The following RBM3 variants were observed in gnomAD, a reference collection of about 807,000 sequenced individuals.
The protein encoded by RBM3 is RNA binding motif protein 3.
In RBM3, 3 loss-of-function variants were observed where a neutral mutation model predicts 12.0. The observed-to-expected ratio is 0.25, with a 90% CI of 0.11 to 0.65. RBM3 has a LOEUF of 0.65. Ranked by LOEUF, RBM3 falls within the 30% of genes least tolerant of loss-of-function variation. RBM3 has a pLI of 0.84. For synonymous variants in RBM3, 58 were observed against 45.7 expected (o/e 1.27, Z -1.08); for missense variants, 108 against 134.5 (o/e 0.80, Z 0.97).
At chrX:48,577,400 G>A (rs923737492) in intron 6 of RBM3, 65 bp from the exon 7 acceptor site, 1 of 861,171 alleles carries the variant, frequency 1.2e-6, no homozygotes, top group African/African-American at 2.0e-5. Flanking sequence ...TCAGCTCTAG[G>A]AGGTGAGCAT....
chrX:48,577,605 G>C lies in RBM3; in HGVS notation c.*164G>C. 1 of 495,255 alleles carries C rather than the reference G, an allele frequency of 2.0e-6. No individual in the cohort carries two copies. 40.8% of individuals were successfully genotyped at this position (495,255 alleles called of 1,213,427 possible). A position where few individuals can be genotyped will look rare whatever the true frequency, so the allele number is the denominator to read the frequency against. ...AAATTGACCTGCCAAGGTAGCTGAAGACCTTTTAGACAGTTCCATCTTTTT... is the reference window on the plus strand; with the variant it reads ...AAATTGACCTGCCAAGGTAGCTGAACACCTTTTAGACAGTTCCATCTTTTT... On this transcript the variant is annotated 3_prime_UTR_variant, in exon 7 of 7. Coordinates refer to ENST00000376759, the MANE Select transcript of RBM3 (RefSeq NM_006743.5).
chrX:48,577,682 C>A lies in RBM3; in HGVS notation c.*241C>A. On this transcript the variant is annotated 3_prime_UTR_variant, in exon 7 of 7. Transcript: ENST00000376759. ...GACAAATTATGGGACGTTTGTAGAA[C>A]CTGAGTATTTTTCTTTTTACCAGTT... is the stretch of plus-strand genomic sequence containing the variant. 1 of 208,525 alleles carries A rather than the reference C, an allele frequency of 4.8e-6. No individual in the cohort carries two copies. Among genetic ancestry groups the A allele is most frequent in the Non-Finnish European group, 8.4e-6 (1 of 118,497 alleles). The allele number at this position is 208,525 out of a possible 1,213,427, so 17.2% of individuals were successfully genotyped here.
chrX:48,574,846 C>T (rs1556988841), intron 1 of RBM3: 2 of 360,312 alleles, frequency 5.6e-6, no homozygotes, highest in East Asian at 7.9e-5. Context: ...CCTTATCCCA[C>T]GTGGCCGCCG....
In RBM3 at chrX:48,581,077, G is replaced by C. The variant is rs1286611834; in HGVS notation, c.*3636G>C. On this transcript the variant is annotated 3_prime_UTR_variant, in exon 7 of 7. Transcript: ENST00000376759. ...AAGTGCCCTGGATCTGGGGGCGGGG[G>C]GGGGCGGGGGGAATGGGTCTTTTCT... 1 of 103,443 alleles carries C rather than the reference G, an allele frequency of 9.7e-6. No individual in the cohort carries two copies. Among genetic ancestry groups the C allele is most frequent in the Non-Finnish European group, 2.0e-5 (1 of 51,224 alleles). 8.5% of individuals were successfully genotyped at this position (103,443 alleles called of 1,213,427 possible).
At chrX:48,574,692 T>C (rs781829385) in intron 1 of RBM3, 119 bp downstream of exon 1, 10 of 330,173 alleles carry the variant, frequency 3.0e-5, no homozygotes, top group South Asian at 2.3e-4. Flanking sequence ...CTTGGCTTTC[T>C]CTGGGACGGG....
Position 48,577,077 on chromosome X carries a change from T to A in RBM3, c.465T>A (p.Tyr155Ter). ...CAGGAGGAAATTACAGAGACAATTA[T>A]GACAACTGAAATGAGACATGCACAT... The part of the protein sequence containing the change: ...RYSGGNYRDN[Y>*]DN Residue 155 changes from tyrosine to a stop codon, truncating the protein, a stop_gained, in exon 6 of 7, where the codon TAT becomes TAA. Transcript: ENST00000376759. LOFTEE classifies it high-confidence loss of function. 1 of 1,211,877 alleles carries A rather than the reference T, an allele frequency of 8.3e-7. No individual in the cohort carries two copies. Among genetic ancestry groups the A allele is most frequent in the Non-Finnish European group, 1.1e-6 (1 of 895,581 alleles).
Position 48,574,548 on chromosome X carries a change from C to T in RBM3, c.-39C>T, listed in dbSNP as rs1188490665. On this transcript the variant is annotated 5_prime_UTR_variant, in exon 1 of 7. Transcript: ENST00000376759. Reference sequence around the variant, plus strand: ...TGCTCCTCCGAGCTCGCTGTTCGTCCGGGTTTTTTACGTTTTAATTTCCAG... The same window carrying T: ...TGCTCCTCCGAGCTCGCTGTTCGTCTGGGTTTTTTACGTTTTAATTTCCAG... 6 of 331,362 alleles carry T rather than the reference C, an allele frequency of 1.8e-5. No homozygotes were observed. The Admixed American group carries it at 1.9e-4, about 10-fold the overall frequency. 27.3% of individuals were successfully genotyped at this position (331,362 alleles called of 1,213,427 possible).
rs1008037679 is a variant in RBM3 at position 48,578,418 on chromosome X, C to T, written c.*977C>T. Reference sequence around the variant, plus strand: ...CAAAACCCCATCTCTACTAAAAATACAAAAGTTAGCGGGGCGTGGTGGCGG... The same window carrying T: ...CAAAACCCCATCTCTACTAAAAATATAAAAGTTAGCGGGGCGTGGTGGCGG... On this transcript the variant is annotated 3_prime_UTR_variant, in exon 7 of 7. Transcript: ENST00000376759. 4.5e-5 allele frequency: 5 copies of T among 110,510 alleles called. No homozygotes were observed. Among genetic ancestry groups the T allele is most frequent in the Non-Finnish European group, 9.5e-5 (5 of 52,831 alleles). 9.1% of individuals were successfully genotyped at this position (110,510 alleles called of 1,213,427 possible). A position where few individuals can be genotyped will look rare whatever the true frequency, so the allele number is the denominator to read the frequency against.
chrX:48,577,101 A>G lies in RBM3; in HGVS notation c.*15A>G, dbSNP rs1556989501. 4.1e-6 allele frequency: 5 copies of G among 1,211,831 alleles called. No individual in the cohort carries two copies. In the Admixed American group the frequency reaches 1.1e-4, roughly 26 times the overall value. On this transcript the variant is annotated 3_prime_UTR_variant, in exon 6 of 7. Coordinates refer to ENST00000376759, the MANE Select transcript of RBM3 (RefSeq NM_006743.5). Reference sequence around the variant, plus strand: ...ATGACAACTGAAATGAGACATGCACATAATATAGGTGAGACTTGGATATCG... The same window carrying G: ...ATGACAACTGAAATGAGACATGCACGTAATATAGGTGAGACTTGGATATCG...
Position 48,576,306 on chromosome X carries a change from A to G in RBM3, c.211-8A>G. 3.3e-6 allele frequency: 4 copies of G among 1,206,873 alleles called. No individual in the cohort carries two copies. Among genetic ancestry groups the G allele is most frequent in the Non-Finnish European group, 4.5e-6 (4 of 893,492 alleles). On this transcript the variant is annotated splice_polypyrimidine_tract_variant and splice_region_variant and intron_variant, in intron 3 of 6. Transcript: ENST00000376759. Reference sequence around the variant, plus strand: ...CCAACCCATCATCCTTGTGTCTCCCACACTTAGTCTCTGGATGGTCGTCAG... The same window carrying G: ...CCAACCCATCATCCTTGTGTCTCCCGCACTTAGTCTCTGGATGGTCGTCAG...
chrX:48,576,193 C>G (rs782683107), intron 3 of RBM3, 121 bp from the exon 4 acceptor site: 8 of 1,167,566 alleles, frequency 6.9e-6, no homozygotes, highest in Non-Finnish European at 2.3e-6. Context: ...AACATGGCAC[C>G]CAGAACCTGG....
chrX:48,577,176 T>C lies in RBM3; in HGVS notation c.*23+67T>C, dbSNP rs782448128. The C allele has an allele frequency of 5.8e-6, 7 of 1,197,147 alleles. No individual in the cohort carries two copies. The African/African-American group carries it at 1.1e-4, about 18-fold the overall frequency. On this transcript the variant is annotated intron_variant, in intron 6 of 6. Coordinates refer to ENST00000376759, the MANE Select transcript of RBM3 (RefSeq NM_006743.5). Reference sequence around the variant, plus strand: ...ACTCTGTCATGACCCTCTCACCTTTTCTGGCAAGACTGCTCTGCATTTCTG... The same window carrying C: ...ACTCTGTCATGACCCTCTCACCTTTCCTGGCAAGACTGCTCTGCATTTCTG...
chrX:48,574,966 C>A (rs1053870846), intron 1 of RBM3: 27 of 448,109 alleles, frequency 6.0e-5, no homozygotes, highest in Non-Finnish European at 4.0e-6. Context: ...GCAATGTGGC[C>A]CCCTAATGGT....
At position 48,574,576 on chromosome X, in the gene RBM3, A is replaced by T. The variant is rs1556988748; in HGVS notation, c.-14+3A>T. ...GTTTTTTACGTTTTAATTTCCAGGT[A>T]AGTTGCATATGTCCTGCGAAACGGC... On this transcript the variant is annotated splice_donor_region_variant and intron_variant, in intron 1 of 6. Transcript: ENST00000376759. 1 of 331,503 alleles carries T rather than the reference A, an allele frequency of 3.0e-6. No individual in the cohort carries two copies. Among genetic ancestry groups the T allele is most frequent in the South Asian group, 2.6e-5 (1 of 38,570 alleles). 27.3% of individuals were successfully genotyped at this position (331,503 alleles called of 1,213,427 possible). A position where few individuals can be genotyped will look rare whatever the true frequency, so the allele number is the denominator to read the frequency against.
chrX:48,575,547 TCTCC>T lies in RBM3; in HGVS notation c.104-10_104-7del. 8.4e-7 allele frequency: 1 copy of T among 1,197,391 alleles called. No homozygotes were observed. Among genetic ancestry groups the T allele is most frequent in the Non-Finnish European group, 1.1e-6 (1 of 885,566 alleles). On this transcript the variant is annotated splice_polypyrimidine_tract_variant and intron_variant, in intron 2 of 6. Coordinates refer to ENST00000376759, the MANE Select transcript of RBM3 (RefSeq NM_006743.5). ...GACTGGTCCACATTGCTCCATCTTC[TCTCC>T]CTCTCACAGTGGTCGTTGTCAAGGA... is the stretch of plus-strand genomic sequence containing the variant.
chrX:48,575,441 G>A, intron 2 of RBM3, 120 bp from the exon 3 acceptor site: 1 of 792,303 alleles, frequency 1.3e-6, no homozygotes, highest in Admixed American at 3.1e-5. Flanking sequence ...GCGTCTTTGG[G>A]ATTAGTGGGA....
At chrX:48,577,139 C>A (rs1556989523) in intron 6 of RBM3, 30 bp downstream of exon 6, 1 of 1,207,371 alleles carries the variant, frequency 8.3e-7, no homozygotes, top group Admixed American at 2.2e-5. Context: ...ATTGAGTGAA[C>A]CTGTTTGTCA....
In RBM3 at chrX:48,575,552, C is replaced by T. The variant is rs782537785; in HGVS notation, c.104-9C>T. On this transcript the variant is annotated splice_polypyrimidine_tract_variant and intron_variant, in intron 2 of 6. Coordinates refer to ENST00000376759, the MANE Select transcript of RBM3 (RefSeq NM_006743.5). ...GTCCACATTGCTCCATCTTCTCTCC[C>T]TCTCACAGTGGTCGTTGTCAAGGAC... is the stretch of plus-strand genomic sequence containing the variant. The T allele has an allele frequency of 2.6e-4, 306 of 1,199,725 alleles. 1 individual carries two copies. The highest frequency in any genetic ancestry group is 3.3e-4 in the Non-Finnish European group (297 of 888,175).
chrX:48,576,962 A>G (rs2062083230), intron 5 of RBM3, 64 bp from the exon 6 acceptor site: 11 of 1,140,813 alleles, frequency 9.6e-6, no homozygotes, highest in South Asian at 3.9e-5. Context: ...TGTGACGCAT[A>G]TAATTACAGT....
Sources: gnomAD v4.1 joint callset for allele counts on GRCh38, gnomAD v4.1.1 for gene constraint, MANE v1.5 for transcripts, NCBI Gene and HGNC (gene_info 2026-07-23, HGNC 2026-07-21) for gene names.